TMEM161B: variants seen among roughly 807,000 people sequenced by gnomAD.
TMEM161B encodes the protein transmembrane protein 161B.
In TMEM161B, 34 loss-of-function variants were observed where a neutral mutation model predicts 61.8. That is an observed-to-expected ratio of 0.55 (90% CI 0.42 to 0.73). TMEM161B has a LOEUF of 0.73. Among genes scored for constraint, TMEM161B ranks in the 30% least tolerant of loss-of-function variants. The pLI, the probability that TMEM161B is intolerant of heterozygous loss-of-function variation, is 0.00. For synonymous variants in TMEM161B, 167 were observed against 192.8 expected, an observed-to-expected ratio of 0.87 and a Z score of 1.11; for missense variants, 456 against 558.5, an observed-to-expected ratio of 0.82 and a Z score of 1.85.
intron 2 of TMEM161B, among the ~76,000 whole-genome samples, chr5:88,229,690 C>T (rs1487516223): frequency 2.1e-5 from 3 of 145,602 alleles, no homozygotes; most frequent in East Asian, 2.0e-4. Context: ...TATGCTAGAC[C>T]CCCCAATTCT....
At chr5:88,198,280 CT>C (rs1561298959) in intron 10 of TMEM161B, 2 of 151,884 alleles carry the variant, frequency 1.3e-5, no homozygotes, top group Non-Finnish European at 2.9e-5. Flanking sequence ...ATAAATGCCC[CT>C]AACTATGGAG....
rs769116564 is a variant in TMEM161B at position 88,205,972 on chromosome 5, T to A, written c.660-18A>T. The A allele has an allele frequency of 7.2e-5, 111 of 1,531,588 alleles. No individual in the cohort carries two copies. The highest frequency in any genetic ancestry group is 1.1e-4 in the African/African-American group (8 of 71,048). The allele number at this position is 1,531,588 out of a possible 1,614,324, so 94.9% of individuals were successfully genotyped here. On this transcript the variant is annotated intron_variant, in intron 7 of 11. Coordinates refer to ENST00000296595, the MANE Select transcript of TMEM161B (RefSeq NM_153354.5). Reference sequence around the variant, plus strand: ...CAGGACTCCTAAAAATAAAATTTTTTAAAAAGCTGATAAATTTTTATAATT... The same window carrying A: ...CAGGACTCCTAAAAATAAAATTTTTAAAAAAGCTGATAAATTTTTATAATT...
downstream of TMEM161B, among the ~76,000 whole-genome samples, chr5:88,189,014 C>G (rs1238122786): frequency 6.6e-6 from 1 of 152,066 alleles, no homozygotes. Context: ...CGGGAGTTCT[C>G]ACTCTCATCT....
intron 10 of TMEM161B, 158 bp downstream of exon 10, chr5:88,198,818 C>G (rs1344505842): frequency 1.5e-6 from 1 of 684,368 alleles, no homozygotes; most frequent in African/African-American, 1.8e-5. Context: ...AAAATCAGAT[C>G]AAGGTCTCTT....
chr5:88,258,549 T>C (rs1008781464), intron 1 of TMEM161B, among the ~76,000 whole-genome samples: 1 of 152,124 alleles, frequency 6.6e-6, no homozygotes, highest in Non-Finnish European at 1.5e-5. Context: ...AAACAAATGG[T>C]TCTAGTTATG....
intron 1 of TMEM161B, 38 bp from the exon 2 acceptor site, chr5:88,240,954 T>C (rs768650411): frequency 4.1e-5 from 59 of 1,425,456 alleles, no homozygotes; most frequent in Non-Finnish European, 5.5e-5. Flanking sequence ...TAATGAATGA[T>C]TTTGGATTTG....
In TMEM161B at chr5:88,199,292, T is replaced by C. The variant is rs187880208; in HGVS notation, c.915-142A>G. ...CACATAAAAGAATCTGACTCTGCCA[T>C]AGACTTAACTGTATAATACTTTAAC... On this transcript the variant is annotated intron_variant, in intron 9 of 11. Coordinates refer to ENST00000296595, the MANE Select transcript of TMEM161B (RefSeq NM_153354.5). The C allele has an allele frequency of 5.5e-4, 388 of 711,562 alleles. 1 individual carries two copies. The African/African-American group carries it at 6.6e-3, about 12-fold the overall frequency. The allele number at this position is 711,562 out of a possible 1,614,324, so 44.1% of individuals were successfully genotyped here.
Position 88,268,770 on chromosome 5 carries a change from C to T in TMEM161B, c.-47G>A, listed in dbSNP as rs986344721. 3.1e-6 allele frequency: 5 copies of T among 1,613,876 alleles called. No homozygotes were observed. Among genetic ancestry groups the T allele is most frequent in the Non-Finnish European group, 4.2e-6 (5 of 1,179,840 alleles). ...ACCAGACACCCTGGAGTTGCCGGGG[C>T]AGTCCCAAACCTCTTACCTCCCGGT... On this transcript the variant is annotated 5_prime_UTR_variant, in exon 1 of 12. Coordinates refer to ENST00000296595, the MANE Select transcript of TMEM161B (RefSeq NM_153354.5).
intron 1 of TMEM161B, among the ~76,000 whole-genome samples, chr5:88,268,373 A>G (rs1328134241): frequency 3.3e-5 from 5 of 152,100 alleles, no homozygotes; most frequent in Non-Finnish European, 7.4e-5. Flanking sequence ...CCGCGGATGG[A>G]GAAGGGGGCG....
At chr5:88,244,071 T>C (rs1561403577) in intron 1 of TMEM161B, among the ~76,000 whole-genome samples, 1 of 151,930 alleles carries the variant, frequency 6.6e-6, no homozygotes, top group Non-Finnish European at 1.5e-5. Flanking sequence ...ATTTTCTCAT[T>C]CTGCAGGTTG....
downstream of TMEM161B, among the ~76,000 whole-genome samples, chr5:88,189,101 T>A (rs1478271183): frequency 2.6e-5 from 4 of 152,308 alleles, no homozygotes; most frequent in East Asian, 7.7e-4. Flanking sequence ...CCAACAGGGA[T>A]TAAGTAGTTC....
intron 1 of TMEM161B, among the ~76,000 whole-genome samples, chr5:88,244,584 C>CTTT (rs369319062): frequency 3.4e-5 from 4 of 116,020 alleles, no homozygotes; most frequent in African/African-American, 1.3e-4. Flanking sequence ...TCCAGCTTTG[C>CTTT]TTTTTTTTTT....
At chr5:88,237,313 A>G (rs1216076242) in intron 2 of TMEM161B, among the ~76,000 whole-genome samples, 1 of 152,162 alleles carries the variant, frequency 6.6e-6, no homozygotes, top group Non-Finnish European at 1.5e-5. Context: ...TTTGACACTT[A>G]AGAATCTCCT....
At chr5:88,203,293 A>ACAAATGTTCT in intron 8 of TMEM161B, among the ~76,000 whole-genome samples, 1 of 152,252 alleles carries the variant, frequency 6.6e-6, no homozygotes, top group Non-Finnish European at 1.5e-5. Context: ...TCAAATGAGA[A>ACAAATGTTCT]CATTTAGATA....
At chr5:88,252,309 C>G (rs1030594326) in intron 1 of TMEM161B, among the ~76,000 whole-genome samples, 1 of 152,108 alleles carries the variant, frequency 6.6e-6, no homozygotes, top group Non-Finnish European at 1.5e-5. Flanking sequence ...TGAATTTTAG[C>G]TCCTTGAGTC....
In TMEM161B at chr5:88,195,231, T is replaced by C. The variant is rs1208764496; in HGVS notation, c.*980A>G. 3 of 972,620 alleles carry C rather than the reference T, an allele frequency of 3.1e-6. No homozygotes were observed. Among genetic ancestry groups the C allele is most frequent in the South Asian group, 4.7e-5 (1 of 21,056 alleles). 60.2% of individuals were successfully genotyped at this position (972,620 alleles called of 1,614,324 possible). ...TGAACTTTCAAAATGTATTTTAATCTCATTCCAAAAAGAAATAAAATTTCT... is the reference window on the plus strand; with the variant it reads ...TGAACTTTCAAAATGTATTTTAATCCCATTCCAAAAAGAAATAAAATTTCT... On this transcript the variant is annotated 3_prime_UTR_variant, in exon 12 of 12. Transcript: ENST00000296595.
intron 4 of TMEM161B, 151 bp from the exon 5 acceptor site, chr5:88,220,870 T>C: frequency 1.7e-6 from 2 of 1,164,598 alleles, no homozygotes; most frequent in Non-Finnish European, 2.3e-6. Flanking sequence ...AATATATGAA[T>C]CTAAAAATGC....
At chr5:88,254,520 A>G (rs1339740470) in intron 1 of TMEM161B, among the ~76,000 whole-genome samples, 1 of 152,130 alleles carries the variant, frequency 6.6e-6, no homozygotes, top group East Asian at 1.9e-4. Context: ...ATGATTCAGC[A>G]TATTAGGTAA....
At chr5:88,216,723 G>C (rs1561343882) in intron 5 of TMEM161B, among the ~76,000 whole-genome samples, 1 of 152,170 alleles carries the variant, frequency 6.6e-6, no homozygotes, top group Non-Finnish European at 1.5e-5. Context: ...AGGTTTAAAA[G>C]ATGGTGCCAC....
Sources: gnomAD v4.1 joint callset for allele counts (sites outside exome capture counted in the v4.1 genomes callset) on GRCh38, gnomAD v4.1.1 for gene constraint, MANE v1.5 for transcripts, NCBI Gene and HGNC (gene_info 2026-07-23, HGNC 2026-07-21) for gene names.